The following CSMD3 variants were observed in gnomAD, a reference collection of about 807,000 sequenced individuals.
The protein encoded by CSMD3 is CUB and sushi domain-containing protein 3.
A neutral mutation model predicts 435.2 loss-of-function variants in CSMD3; 177 were observed. That is an observed-to-expected ratio of 0.41 (90% CI 0.36 to 0.46). CSMD3 has a LOEUF of 0.46. CSMD3 is among the 20% of genes least tolerant of loss of function. CSMD3 has a pLI of 0.34. For missense variants in CSMD3, 4,265 were observed against 4,504.6 expected, an observed-to-expected ratio of 0.95 and a Z score of 1.52; for synonymous variants, 1,656 against 1,520.5, an observed-to-expected ratio of 1.09 and a Z score of -2.07.
chr8:112,232,905 T>G (rs571908212), intron 68 of CSMD3, among the ~76,000 whole-genome samples: 1 of 152,236 alleles, frequency 6.6e-6, no homozygotes, highest in East Asian at 1.9e-4. Flanking sequence ...TGATGAGACA[T>G]GAAGACCTGG....
At chr8:113,154,927 C>T (rs1564372565) in intron 4 of CSMD3, among the ~76,000 whole-genome samples, 1 of 151,876 alleles carries the variant, frequency 6.6e-6, no homozygotes, top group Non-Finnish European at 1.5e-5. Flanking sequence ...TATTTTGTGT[C>T]CTAATGATCA....
intron 22 of CSMD3, among the ~76,000 whole-genome samples, chr8:112,619,488 G>A (rs1013771982): frequency 6.6e-6 from 1 of 151,760 alleles, no homozygotes; most frequent in African/African-American, 2.4e-5. Flanking sequence ...AAGATTCAAT[G>A]TTTCCTTCTC....
intron 38 of CSMD3, among the ~76,000 whole-genome samples, chr8:112,362,554 A>T (rs1457481479): frequency 6.6e-6 from 1 of 152,012 alleles, no homozygotes; most frequent in Non-Finnish European, 1.5e-5. Flanking sequence ...CATTCATTCA[A>T]TAAGCTGTTG....
chr8:112,919,920 C>A lies in CSMD3; in HGVS notation c.1633+1707G>T, dbSNP rs1377531172. 4.0e-5 allele frequency among the ~76,000 whole-genome samples: 6 copies of A among 151,836 alleles called. No individual in the cohort carries two copies. In the East Asian group the frequency reaches 1.2e-3, roughly 30 times the overall value. The stretch of plus-strand genomic sequence containing the variant: ...CATAGGAATACTTGAATTTTATAGA[C>A]AATGTTTTTTGGGTGTAAACTGGTC... On this transcript the variant is annotated intron_variant, in intron 10 of 70. Coordinates refer to ENST00000297405, the MANE Select transcript of CSMD3 (RefSeq NM_198123.2).
chr8:113,347,731 C>A (rs886593227), intron 1 of CSMD3, among the ~76,000 whole-genome samples: 1 of 152,064 alleles, frequency 6.6e-6, no homozygotes, highest in African/African-American at 2.4e-5. Flanking sequence ...TGACAGACGG[C>A]TGCTAGCAAG....
At chr8:112,339,602 A>C (rs985002693) in intron 42 of CSMD3, among the ~76,000 whole-genome samples, 4 of 152,186 alleles carry the variant, frequency 2.6e-5, no homozygotes, top group African/African-American at 9.6e-5. Context: ...GACAACTTGC[A>C]GTCACAATCT....
At chr8:112,855,254 G>T (rs1296413725) in intron 11 of CSMD3, among the ~76,000 whole-genome samples, 1 of 151,972 alleles carries the variant, frequency 6.6e-6, no homozygotes, top group Admixed American at 6.6e-5. Context: ...TAAATAAAAA[G>T]ATTTTGGAAA....
At chr8:112,859,750 T>TA (rs556086727) in intron 10 of CSMD3, among the ~76,000 whole-genome samples, 5,293 of 146,330 alleles carry the variant, frequency 0.036, 142 homozygotes, top group Middle Eastern at 0.053. Flanking sequence ...GAACTCAGAC[T>TA]AAAAAAAAAA....
chr8:112,274,115 G>C (rs1817796786), intron 59 of CSMD3, among the ~76,000 whole-genome samples: 1 of 151,170 alleles, frequency 6.6e-6, no homozygotes, highest in Non-Finnish European at 1.5e-5. Flanking sequence ...GCAAAAATGA[G>C]ATATTTTCTA....
chr8:113,401,869 T>C (rs2094511696), intron 1 of CSMD3, among the ~76,000 whole-genome samples: 2 of 151,634 alleles, frequency 1.3e-5, no homozygotes, highest in South Asian at 4.1e-4. Flanking sequence ...CAGTACATGC[T>C]GTACAAGTTT....
chr8:113,334,992 G>A (rs536273687), intron 1 of CSMD3, among the ~76,000 whole-genome samples: 241 of 152,172 alleles, frequency 1.6e-3, no homozygotes, highest in African/African-American at 5.7e-3. Context: ...TGTTGGAGGT[G>A]GGGCCTGATG....
intron 4 of CSMD3, among the ~76,000 whole-genome samples, chr8:113,143,392 C>T (rs2091596580): frequency 6.6e-6 from 1 of 151,354 alleles, no homozygotes; most frequent in African/African-American, 2.4e-5. Flanking sequence ...ATGGTACAGG[C>T]ACTCTAGAAG....
chr8:113,089,990 T>C (rs2089946968), intron 5 of CSMD3, among the ~76,000 whole-genome samples: 1 of 151,838 alleles, frequency 6.6e-6, no homozygotes, highest in South Asian at 2.1e-4. Flanking sequence ...GAACAGAAAA[T>C]GAGTGTTCAG....
At chr8:112,687,512 TTTA>T (rs2076039017) in intron 14 of CSMD3, among the ~76,000 whole-genome samples, 1 of 152,196 alleles carries the variant, frequency 6.6e-6, no homozygotes, top group African/African-American at 2.4e-5. Flanking sequence ...CATCATATGT[TTTA>T]TTAACATTCA....
At chr8:113,276,233 T>C (rs1049669254) in intron 3 of CSMD3, among the ~76,000 whole-genome samples, 1 of 152,102 alleles carries the variant, frequency 6.6e-6, no homozygotes, top group Admixed American at 6.6e-5. Flanking sequence ...GAAGATATGA[T>C]TAAGGTTAAG....
intron 31 of CSMD3, among the ~76,000 whole-genome samples, chr8:112,480,767 T>C (rs1819555098): frequency 6.6e-6 from 1 of 152,148 alleles, no homozygotes; most frequent in Admixed American, 6.6e-5. Context: ...GTGAGCCAAT[T>C]AAACCTCTTT....
At chr8:112,968,678 A>T (rs1202448451) in intron 7 of CSMD3, among the ~76,000 whole-genome samples, 1 of 151,866 alleles carries the variant, frequency 6.6e-6, no homozygotes, top group Non-Finnish European at 1.5e-5. Flanking sequence ...CTTATAATTG[A>T]CCTATAATTT....
intron 10 of CSMD3, among the ~76,000 whole-genome samples, chr8:112,865,686 C>CA (rs1564039948): frequency 0.075 from 3,225 of 43,172 alleles, 53 homozygotes; most frequent in Middle Eastern, 0.11. Flanking sequence ...TTTACATACC[C>CA]CACACACACA....
At chr8:112,360,239 C>A (rs1306529820) in intron 38 of CSMD3, among the ~76,000 whole-genome samples, 2 of 151,940 alleles carry the variant, frequency 1.3e-5, no homozygotes, top group Admixed American at 1.3e-4. Context: ...ACATTCATTT[C>A]TCTTCCTTTC....
Sources: gnomAD v4.1 joint callset for allele counts (sites outside exome capture counted in the v4.1 genomes callset) on GRCh38, gnomAD v4.1.1 for gene constraint, MANE v1.5 for transcripts, NCBI Gene and HGNC (gene_info 2026-07-23, HGNC 2026-07-21) for gene names.